The following SIK3 variants were observed in gnomAD, a reference collection of about 807,000 sequenced individuals.
SIK3 encodes serine/threonine-protein kinase SIK3.
Under a neutral mutation model 144.2 loss-of-function variants are expected in SIK3, and 28 were observed. That is an observed-to-expected ratio of 0.19 (90% CI 0.14 to 0.27). SIK3 has a LOEUF of 0.27. Among genes scored for constraint, SIK3 ranks in the 10% least tolerant of loss-of-function variants. The pLI, the probability that SIK3 is intolerant of heterozygous loss-of-function variation, is 1.00. For missense variants in SIK3, 1,319 were observed against 1,776.0 expected (o/e 0.74, Z 4.62); for synonymous variants, 686 against 676.3 (o/e 1.01, Z -0.22).
At chr11:116,930,375 T>G (rs922389355) in intron 3 of SIK3, among the ~76,000 whole-genome samples, 4 of 152,314 alleles carry the variant, frequency 2.6e-5, no homozygotes, top group African/African-American at 9.6e-5. Flanking sequence ...TTCAGCTGCC[T>G]GCTGACAAAT....
rs918569153 is a variant in SIK3, at chr11:117,003,210, T to C, written c.274-46146A>G. The stretch of plus-strand genomic sequence containing the variant: ...AAATTCACATTGACTTTATCAGATC[T>C]ACACTACTCAGAATCTGACCGGGTT... On this transcript the variant is annotated intron_variant, in intron 1 of 24. Coordinates refer to ENST00000445177, the MANE Select transcript of SIK3 (RefSeq NM_001366686.3). Among the ~76,000 whole-genome samples, 5 of 152,358 alleles carry C rather than the reference T, an allele frequency of 3.3e-5. No individual in the cohort carries two copies. The South Asian group carries it at 1.0e-3, about 32-fold the overall frequency.
At chr11:117,066,161 C>T (rs556517879) in intron 1 of SIK3, among the ~76,000 whole-genome samples, 14 of 151,204 alleles carry the variant, frequency 9.3e-5, no homozygotes, top group Admixed American at 8.6e-4. Flanking sequence ...CCTCCGCCTC[C>T]GGATTCAAGT....
At chr11:116,921,061 A>G (rs1946939848) in intron 4 of SIK3, among the ~76,000 whole-genome samples, 1 of 152,194 alleles carries the variant, frequency 6.6e-6, no homozygotes, top group Admixed American at 6.5e-5. Flanking sequence ...CAGTCCTTCA[A>G]CTGCTCTTCT....
At chr11:116,880,345 T>G (rs991392386) in intron 6 of SIK3, among the ~76,000 whole-genome samples, 12 of 151,498 alleles carry the variant, frequency 7.9e-5, no homozygotes, top group Non-Finnish European at 1.2e-4. Context: ...ACACAAGACC[T>G]TGCATGTAAC....
intron 1 of SIK3, among the ~76,000 whole-genome samples, chr11:117,016,753 G>GTA (rs1951559448): frequency 6.6e-6 from 1 of 152,162 alleles, no homozygotes; most frequent in Admixed American, 6.6e-5. Flanking sequence ...ACATCATGGC[G>GTA]TATACCTTGA....
chr11:117,010,225 A>G (rs1402275121), intron 1 of SIK3, among the ~76,000 whole-genome samples: 2 of 152,138 alleles, frequency 1.3e-5, no homozygotes, highest in Non-Finnish European at 2.9e-5. Context: ...TAAGGCTCCA[A>G]TGCATTCAGA....
intron 4 of SIK3, among the ~76,000 whole-genome samples, chr11:116,924,105 C>A (rs1284819875): frequency 6.6e-6 from 1 of 151,802 alleles, no homozygotes; most frequent in Non-Finnish European, 1.5e-5. Context: ...ACTAGCCTGG[C>A]CAGCATAGTA....
chr11:116,948,653 T>C (rs981723428), intron 3 of SIK3, among the ~76,000 whole-genome samples: 6 of 152,174 alleles, frequency 3.9e-5, no homozygotes, highest in Non-Finnish European at 7.3e-5. Context: ...TCTTCTCTTT[T>C]TCTCTTCTCT....
intron 1 of SIK3, among the ~76,000 whole-genome samples, chr11:117,013,907 G>GTGTGTGT (rs1485971413): frequency 6.7e-5 from 3 of 44,834 alleles, no homozygotes; most frequent in African/African-American, 1.4e-4. Context: ...TGAGGGGGGG[G>GTGTGTGT]GGGGGAGGGT....
At chr11:117,023,615 A>C (rs867812242) in intron 1 of SIK3, among the ~76,000 whole-genome samples, 68 of 103,996 alleles carry the variant, frequency 6.5e-4, no homozygotes, top group South Asian at 3.0e-3. Flanking sequence ...CAAACAAAAA[A>C]AAAAAAATAT....
intron 1 of SIK3, among the ~76,000 whole-genome samples, chr11:117,085,782 C>T (rs763951860): frequency 4.6e-5 from 7 of 152,044 alleles, no homozygotes; most frequent in Non-Finnish European, 8.8e-5. Context: ...CTCAGGAATT[C>T]GAGACCATCC....
rs1944298501 is a variant in SIK3 at position 116,877,133 on chromosome 11, A to G, written c.866-91T>C. ...CAGGGGCAAAGCCAGCAGGGAGGCT[A>G]TCCAACTCCCTGCTTCTAATTTTGT... On this transcript the variant is annotated intron_variant, in intron 6 of 24. Transcript: ENST00000445177. 3.9e-6 allele frequency: 4 copies of G among 1,026,326 alleles called. No homozygotes were observed. In the Admixed American group the frequency reaches 5.1e-5, roughly 13 times the overall value. The allele number at this position is 1,026,326 out of a possible 1,614,324, so 63.6% of individuals were successfully genotyped here.
intron 1 of SIK3, among the ~76,000 whole-genome samples, chr11:117,001,693 C>T (rs1385284082): frequency 3.9e-5 from 6 of 151,956 alleles, no homozygotes; most frequent in Non-Finnish European, 7.4e-5. Context: ...AGGCCTCAAA[C>T]GATTCTCCCA....
At position 116,846,474 on chromosome 11, in the gene SIK3, T is replaced by C. The variant is rs1285844241; in HGVS notation, c.4032A>G (p.Pro1344=). 3 of 1,614,186 alleles carry C rather than the reference T, an allele frequency of 1.9e-6. No individual in the cohort carries two copies. Among genetic ancestry groups the C allele is most frequent in the Admixed American group, 3.3e-5 (2 of 60,032 alleles). The change falls in exon 24 of 25, where the codon CCA becomes CCG. Residue 1344 remains proline (P), a synonymous_variant. Coordinates refer to ENST00000445177, the MANE Select transcript of SIK3 (RefSeq NM_001366686.3). This position sits in a 1 kb window ranked among gnomAD's most constrained non-coding sequence, Gnocchi z 4.1. ...GSQHLNSSCY[P]STCITDILLS... Reference sequence around the variant, plus strand: ...GCAGAATGTCTGTAATACACGTAGATGGATAGCAAGAGGAGTTTAAATGCT... The same window carrying C: ...GCAGAATGTCTGTAATACACGTAGACGGATAGCAAGAGGAGTTTAAATGCT...
At chr11:117,015,530 G>A (rs190588233) in intron 1 of SIK3, among the ~76,000 whole-genome samples, 10 of 151,884 alleles carry the variant, frequency 6.6e-5, no homozygotes, top group Non-Finnish European at 1.2e-4. Flanking sequence ...TCCTGCCTCA[G>A]CCTCTGGAGT....
chr11:116,965,734 AATATATAT>A lies in SIK3; in HGVS notation c.274-8678_274-8671del, dbSNP rs58587995. On this transcript the variant is annotated intron_variant, in intron 1 of 24. Coordinates refer to ENST00000445177, the MANE Select transcript of SIK3 (RefSeq NM_001366686.3). ...CATGGTGAAAACCCGTCTCTGCTAA[AATATATAT>A]ATATATATATATATATATATATATA... Among the ~76,000 whole-genome samples, 727 of 118,194 alleles carry A rather than the reference AATATATAT, an allele frequency of 6.2e-3. 14 individuals carry two copies. The highest frequency in any genetic ancestry group is 0.032 in the South Asian group (99 of 3,118). The allele number at this position is 118,194 out of a possible 152,430, so 77.5% of individuals were successfully genotyped here. A position where few individuals can be genotyped will look rare whatever the true frequency, so the allele number is the denominator to read the frequency against.
At chr11:116,993,075 C>CA (rs143646718) in intron 1 of SIK3, among the ~76,000 whole-genome samples, 3,743 of 152,172 alleles carry the variant, frequency 0.025, 85 homozygotes, top group South Asian at 0.11. Flanking sequence ...TTTTAATAAA[C>CA]AGAGTCTCAC....
At chr11:116,930,550 A>G (rs192475291) in intron 3 of SIK3, among the ~76,000 whole-genome samples, 2 of 152,342 alleles carry the variant, frequency 1.3e-5, no homozygotes, top group Admixed American at 1.3e-4. Context: ...CAGAAGGCAA[A>G]TGAAACCAAA....
intron 4 of SIK3, among the ~76,000 whole-genome samples, chr11:116,923,101 A>G (rs530275412): frequency 6.6e-6 from 1 of 151,970 alleles, no homozygotes; most frequent in East Asian, 1.9e-4. Context: ...ACTTTTGTAG[A>G]GACCGGTTTT....
Sources: allele counts gnomAD v4.1 joint callset (sites outside exome capture counted in the v4.1 genomes callset), GRCh38; gene constraint gnomAD v4.1.1; non-coding constraint Gnocchi (gnomAD v3.1); transcripts MANE v1.5; gene names NCBI Gene and HGNC (gene_info 2026-07-23, HGNC 2026-07-21).